Variants in BMPER observed in about 807,000 individuals in gnomAD.
BMPER encodes BMP-binding endothelial regulator protein.
BMPER carries 45 observed loss-of-function variants against 87.3 expected under a neutral mutation model. The observed-to-expected ratio is 0.52, with a 90% CI of 0.41 to 0.66. The LOEUF (loss-of-function observed/expected upper bound fraction) is 0.66. BMPER is among the 30% of genes least tolerant of loss of function. The pLI is 0.00. For missense variants in BMPER, 784 were observed against 867.5 expected, an observed-to-expected ratio of 0.90 and a Z score of 1.21; for synonymous variants, 326 against 316.2, an observed-to-expected ratio of 1.03 and a Z score of -0.33.
chr7:33,919,111 A>G (rs545614403), intron 2 of BMPER, among the ~76,000 whole-genome samples: 4 of 152,286 alleles, frequency 2.6e-5, no homozygotes, highest in Non-Finnish European at 4.4e-5. Flanking sequence ...TGTAAACCAT[A>G]TACTGACCAA....
chr7:33,941,613 C>T (rs1784767423), intron 3 of BMPER, among the ~76,000 whole-genome samples: 1 of 152,180 alleles, frequency 6.6e-6, no homozygotes, highest in African/African-American at 2.4e-5. Flanking sequence ...AGAGTGCACA[C>T]TTAGATGACA....
intron 3 of BMPER, chr7:33,937,616 A>G: frequency 1.8e-6 from 1 of 548,768 alleles, no homozygotes. Context: ...AAAGTATGTG[A>G]GCATCTTCAT....
At chr7:33,947,501 A>T (rs1300715405) in intron 3 of BMPER, among the ~76,000 whole-genome samples, 27 of 152,118 alleles carry the variant, frequency 1.8e-4, no homozygotes, top group Non-Finnish European at 1.5e-5. Context: ...ATGGGTTATG[A>T]TCCCATGGGT....
intron 11 of BMPER, among the ~76,000 whole-genome samples, chr7:34,076,607 T>C (rs1788872189): frequency 6.6e-6 from 1 of 152,178 alleles, no homozygotes; most frequent in Non-Finnish European, 1.5e-5. Context: ...CAGCTGTTTG[T>C]TTAATATTGG....
At chr7:34,117,630 A>G (rs748499105) in intron 13 of BMPER, among the ~76,000 whole-genome samples, 3 of 152,196 alleles carry the variant, frequency 2.0e-5, no homozygotes, top group Non-Finnish European at 4.4e-5. Context: ...GTTTACTACT[A>G]TAATTTTTTC....
chr7:34,065,268 A>G (rs1302885614), intron 11 of BMPER, among the ~76,000 whole-genome samples: 1 of 104,204 alleles, frequency 9.6e-6, no homozygotes, highest in Non-Finnish European at 1.9e-5. Context: ...CTCTCTCCCC[A>G]TGATGTTACT....
At chr7:34,046,464 G>C in intron 7 of BMPER, 59 bp downstream of exon 7, 1 of 1,541,148 alleles carries the variant, frequency 6.5e-7, no homozygotes, top group Non-Finnish European at 9.0e-7. Flanking sequence ...TTTCTGCTGG[G>C]AGTGTTTATC....
chr7:33,961,382 A>G (rs1585680814), intron 3 of BMPER, among the ~76,000 whole-genome samples: 1 of 152,150 alleles, frequency 6.6e-6, no homozygotes, highest in East Asian at 1.9e-4. Flanking sequence ...CCTGGTCTGT[A>G]CCTCAGCCAG....
chr7:34,054,479 A>C (rs368782830), intron 8 of BMPER, among the ~76,000 whole-genome samples: 1 of 152,246 alleles, frequency 6.6e-6, no homozygotes, highest in Non-Finnish European at 1.5e-5. Flanking sequence ...GAGGCACAGT[A>C]AACCTGAGAA....
chr7:34,008,496 A>C (rs938629274), intron 6 of BMPER, among the ~76,000 whole-genome samples: 1 of 151,922 alleles, frequency 6.6e-6, no homozygotes, highest in Non-Finnish European at 1.5e-5. Context: ...ATGGTTTTAC[A>C]TTAATAATAT....
At position 34,153,534 on chromosome 7, in the gene BMPER, T is replaced by C; in HGVS notation, c.*261T>C. On this transcript the variant is annotated 3_prime_UTR_variant, in exon 15 of 15. Transcript: ENST00000649409. The stretch of plus-strand genomic sequence containing the variant: ...CCTGTAAGCCATTGAACATGTTGTA[T>C]AAATACACCAGGTGTTTTTAATTTA... The C allele has an allele frequency of 4.7e-6, 2 of 422,706 alleles. No individual in the cohort carries two copies. The highest frequency in any genetic ancestry group is 5.5e-5 in the South Asian group (2 of 36,092). 26.2% of individuals were successfully genotyped at this position (422,706 alleles called of 1,614,324 possible). A position where few individuals can be genotyped will look rare whatever the true frequency, so the allele number is the denominator to read the frequency against.
intron 12 of BMPER, among the ~76,000 whole-genome samples, chr7:34,084,300 AAAAC>A (rs935578742): frequency 3.9e-5 from 6 of 152,356 alleles, no homozygotes; most frequent in South Asian, 2.1e-4. Context: ...GACTGTCTAA[AAAAC>A]AAACAAACAA....
In BMPER at chr7:34,153,502, A is replaced by G; in HGVS notation, c.*229A>G. 1 of 517,474 alleles carries G rather than the reference A, an allele frequency of 1.9e-6. No individual in the cohort carries two copies. Among genetic ancestry groups the G allele is most frequent in the Non-Finnish European group, 3.4e-6 (1 of 292,076 alleles). The allele number at this position is 517,474 out of a possible 1,614,324, so 32.1% of individuals were successfully genotyped here. The stretch of plus-strand genomic sequence containing the variant: ...CTATAAGACATGTATTGTTTCTAGG[A>G]TCCTAACCTGTAAGCCATTGAACAT... On this transcript the variant is annotated 3_prime_UTR_variant, in exon 15 of 15. Transcript: ENST00000649409.
At chr7:33,949,705 C>G (rs914304827) in intron 3 of BMPER, among the ~76,000 whole-genome samples, 4 of 152,116 alleles carry the variant, frequency 2.6e-5, no homozygotes, top group South Asian at 2.1e-4. Context: ...TTAACCTATG[C>G]AGTTTAACTA....
At chr7:34,143,486 A>G in intron 14 of BMPER, 126 bp downstream of exon 14, 5 of 1,411,054 alleles carry the variant, frequency 3.5e-6, no homozygotes, top group Non-Finnish European at 4.9e-6. Flanking sequence ...AATCCCTTCC[A>G]GTAGCCCATC....
chr7:34,107,419 A>G (rs1789847236), intron 13 of BMPER, among the ~76,000 whole-genome samples: 1 of 152,348 alleles, frequency 6.6e-6, no homozygotes, highest in African/African-American at 2.4e-5. Context: ...GGACATTAGA[A>G]TGCTAATTCT....
chr7:34,141,043 G>GA (rs144687099), intron 13 of BMPER, among the ~76,000 whole-genome samples: 4,087 of 152,256 alleles, frequency 0.027, 173 homozygotes, highest in African/African-American at 0.092. Flanking sequence ...TAGAACCTGG[G>GA]GCAGCCGAAA....
chr7:34,055,822 A>G (rs1211963284), intron 9 of BMPER, among the ~76,000 whole-genome samples: 2 of 152,358 alleles, frequency 1.3e-5, no homozygotes, highest in South Asian at 2.1e-4. Flanking sequence ...TCTTTTGGCC[A>G]TCTGTTACCA....
rs114278112 is a variant in BMPER, at chr7:34,085,525, A to C, written c.1409-231A>C. On this transcript the variant is annotated intron_variant, in intron 12 of 14. Coordinates refer to ENST00000649409, the MANE Select transcript of BMPER (RefSeq NM_001365308.1). ...CAGGGGTACATAGGATGTTATCAGG[A>C]CAAACTTTATACGGTTTAAAAATTC... 7.2e-3 allele frequency among the ~76,000 whole-genome samples: 1,103 copies of C among 152,290 alleles called. 18 individuals carry two copies. The highest frequency in any genetic ancestry group is 0.025 in the African/African-American group (1,057 of 41,564).
Sources: gnomAD v4.1 joint callset for allele counts (sites outside exome capture counted in the v4.1 genomes callset) on GRCh38, gnomAD v4.1.1 for gene constraint, MANE v1.5 for transcripts, NCBI Gene and HGNC (gene_info 2026-07-23, HGNC 2026-07-21) for gene names.